NLN: variants seen among roughly 807,000 people sequenced by gnomAD.
NLN encodes the protein neurolysin, mitochondrial.
NLN carries 64 observed loss-of-function variants against 79.9 expected under a neutral mutation model. That is an observed-to-expected ratio of 0.80 (90% confidence interval 0.65 to 0.99). The LOEUF (loss-of-function observed/expected upper bound fraction) is 0.99. Ranked by LOEUF, NLN falls within the 50% of genes least tolerant of loss-of-function variation. The probability of loss-of-function intolerance (pLI) is 0.00; values close to 1 mark genes in which losing one functional copy is unlikely to be tolerated. For missense variants in NLN, 835 were observed against 858.7 expected (o/e 0.97, Z 0.34); for synonymous variants, 267 against 296.6 (o/e 0.90, Z 1.02).
chr5:65,799,778 C>T (rs1215349465), intron 9 of NLN, among the ~76,000 whole-genome samples: 1 of 152,136 alleles, frequency 6.6e-6, no homozygotes, highest in Non-Finnish European at 1.5e-5. Flanking sequence ...AACTATAGGG[C>T]AGTTGTGAAG....
intron 1 of NLN, among the ~76,000 whole-genome samples, chr5:65,736,262 G>A (rs1352911043): frequency 6.6e-6 from 1 of 152,018 alleles, no homozygotes; most frequent in Non-Finnish European, 1.5e-5. Context: ...ACATGGATAT[G>A]GTTCATTTTT....
chr5:65,758,192 C>T (rs1759262186), intron 1 of NLN, among the ~76,000 whole-genome samples: 1 of 152,014 alleles, frequency 6.6e-6, no homozygotes, highest in East Asian at 1.9e-4. Context: ...GCTATGATCA[C>T]ATCACTGCAC....
chr5:65,727,069 T>C (rs1339371768), intron 1 of NLN, among the ~76,000 whole-genome samples: 1 of 152,228 alleles, frequency 6.6e-6, no homozygotes, highest in Non-Finnish European at 1.5e-5. Context: ...ATAAGTGGAC[T>C]GAGAATCTGG....
In NLN at chr5:65,758,569, T is replaced by G. The variant is rs1199465336; in HGVS notation, c.44T>G (p.Val15Gly). The G allele has an allele frequency of 6.2e-7, 1 of 1,601,670 alleles. No homozygotes were observed. The highest frequency in any genetic ancestry group is 8.6e-7 in the Non-Finnish European group (1 of 1,169,434). ...ATTCTTTTTCTGATTCTTTTTAGAG[T>G]TGGTGGTTCCAGGATTTTACTCAGA... ...CLLAVRSLRR[V>G]GGSRILLRMT... is the part of the protein sequence containing the mutation. The change falls in exon 2 of 13, where the codon GTT becomes GGT. Residue 15 changes from valine to glycine, a missense_variant and splice_region_variant. Transcript: ENST00000380985.
intron 9 of NLN, among the ~76,000 whole-genome samples, chr5:65,795,468 C>T (rs965166507): frequency 6.6e-6 from 1 of 152,176 alleles, no homozygotes; most frequent in African/African-American, 2.4e-5. Context: ...AAGTGGGTCA[C>T]CTGAGGGCAG....
intron 11 of NLN, among the ~76,000 whole-genome samples, chr5:65,810,475 C>T (rs1404656714): frequency 1.3e-5 from 2 of 152,226 alleles, no homozygotes; most frequent in African/African-American, 4.8e-5. Flanking sequence ...CTGTATGCAT[C>T]ATGACTTCCC....
intron 9 of NLN, among the ~76,000 whole-genome samples, chr5:65,799,879 ATC>A (rs962150308): frequency 3.3e-5 from 5 of 152,200 alleles, no homozygotes; most frequent in Non-Finnish European, 5.9e-5. Context: ...CCTTTTAATC[ATC>A]TGTTTATGGC....
chr5:65,726,314 C>T (rs2150731043), intron 1 of NLN, among the ~76,000 whole-genome samples: 1 of 152,164 alleles, frequency 6.6e-6, no homozygotes, highest in South Asian at 2.1e-4. Flanking sequence ...TACTTTTTAC[C>T]ATTTCATTAA....
chr5:65,738,084 G>A (rs960533062), intron 1 of NLN, among the ~76,000 whole-genome samples: 81 of 150,508 alleles, frequency 5.4e-4, no homozygotes, highest in African/African-American at 1.9e-3. Context: ...AGCCAAGATT[G>A]CACCATGGCA....
At chr5:65,761,634 G>T (rs1579930254) in intron 2 of NLN, among the ~76,000 whole-genome samples, 1 of 152,124 alleles carries the variant, frequency 6.6e-6, no homozygotes, top group Non-Finnish European at 1.5e-5. Flanking sequence ...TAGTTAACTA[G>T]TATCACTTAA....
At position 65,752,576 on chromosome 5, in the gene NLN, G is replaced by A. The variant is rs984041420; in HGVS notation, c.42-5991G>A. 1.6e-4 allele frequency among the ~76,000 whole-genome samples: 25 copies of A among 152,180 alleles called. 1 individual carries two copies. The highest frequency in any genetic ancestry group is 2.9e-5 in the Non-Finnish European group (2 of 68,020). On this transcript the variant is annotated intron_variant, in intron 1 of 12. Coordinates refer to ENST00000380985, the MANE Select transcript of NLN (RefSeq NM_020726.5). The stretch of plus-strand genomic sequence containing the variant: ...TGCTGGAATGACTACAGGTGCACTG[G>A]TTTTCCCACCCAGGTGCAGTTCTTT...
chr5:65,745,663 G>A (rs1019479350), intron 1 of NLN, among the ~76,000 whole-genome samples: 1 of 152,178 alleles, frequency 6.6e-6, no homozygotes, highest in African/African-American at 2.4e-5. Flanking sequence ...CATTATGTCT[G>A]GAGCATAGAT....
At chr5:65,802,991 C>T (rs1427903861) in intron 9 of NLN, among the ~76,000 whole-genome samples, 1 of 152,146 alleles carries the variant, frequency 6.6e-6, no homozygotes, top group Non-Finnish European at 1.5e-5. Flanking sequence ...CAGCTGTCAG[C>T]AGAGAGGAGA....
chr5:65,788,086 A>G, intron 7 of NLN, 32 bp from the exon 8 acceptor site: 1 of 1,591,652 alleles, frequency 6.3e-7, no homozygotes, highest in Non-Finnish European at 8.5e-7. Context: ...TCCAAAAGCA[A>G]GTAGATCACT....
chr5:65,762,929 G>T (rs780771460), intron 2 of NLN, 31 bp from the exon 3 acceptor site: 48 of 1,609,442 alleles, frequency 3.0e-5, no homozygotes, highest in Non-Finnish European at 3.6e-5. Context: ...AAGTCCTGTT[G>T]TGTGGTGATA....
chr5:65,822,714 T>G, intron 12 of NLN, 67 bp from the exon 13 acceptor site: 1 of 1,218,192 alleles, frequency 8.2e-7, no homozygotes, highest in South Asian at 1.2e-5. Flanking sequence ...CTCTCCTCTT[T>G]TGCATCTAGA....
intron 3 of NLN, among the ~76,000 whole-genome samples, chr5:65,776,999 T>C (rs1759695282): frequency 6.6e-6 from 1 of 152,222 alleles, no homozygotes. Flanking sequence ...TGTGTAGAAT[T>C]TACCCATTAT....
intron 1 of NLN, among the ~76,000 whole-genome samples, chr5:65,739,416 C>T (rs1290915555): frequency 6.6e-6 from 1 of 152,072 alleles, no homozygotes; most frequent in African/African-American, 2.4e-5. Flanking sequence ...ATCCATTTGT[C>T]AGCTGATGGA....
intron 1 of NLN, among the ~76,000 whole-genome samples, chr5:65,753,517 G>A (rs1263896148): frequency 1.3e-5 from 2 of 151,986 alleles, no homozygotes; most frequent in East Asian, 3.9e-4. Context: ...AGGCATGGTG[G>A]CACAAGCTTG....
Sources: gnomAD v4.1 joint callset for allele counts (sites outside exome capture counted in the v4.1 genomes callset) on GRCh38, gnomAD v4.1.1 for gene constraint, MANE v1.5 for transcripts, NCBI Gene and HGNC (gene_info 2026-07-23, HGNC 2026-07-21) for gene names.